Variants in UBE4A observed in about 807,000 individuals in gnomAD.
UBE4A encodes the protein ubiquitination factor E4A, also known as ubiquitin conjugation factor E4 A.
Under a neutral mutation model 117.9 loss-of-function variants are expected in UBE4A, and 48 were observed. The ratio of observed to expected loss-of-function variants is 0.41; its 90% confidence interval spans 0.32 to 0.52. The LOEUF (loss-of-function observed/expected upper bound fraction) is 0.52, where lower values mean the gene tolerates loss of function less well. Among genes scored for constraint, UBE4A ranks in the 20% least tolerant of loss-of-function variants. The pLI is 0.33. For synonymous variants in UBE4A, 407 were observed against 450.0 expected (o/e 0.90, Z 1.21); for missense variants, 1,067 against 1,296.3 (o/e 0.82, Z 2.72).
intron 9 of UBE4A, 61 bp from the exon 10 acceptor site, chr11:118,376,513 G>C: frequency 1.9e-6 from 3 of 1,591,274 alleles, no homozygotes; most frequent in Non-Finnish European, 2.6e-6. Context: ...AATTGAATGA[G>C]TGTAAGAGGA....
Position 118,396,475 on chromosome 11 carries a change from G to T in UBE4A, c.*35G>T. 1 of 1,594,324 alleles carries T rather than the reference G, an allele frequency of 6.3e-7. No individual in the cohort carries two copies. The highest frequency in any genetic ancestry group is 1.1e-5 in the South Asian group (1 of 88,340). On this transcript the variant is annotated 3_prime_UTR_variant, in exon 20 of 20. Transcript: ENST00000252108. ...ACTAACCAAACCAAAACCAACCCCA[G>T]AGTGCAGATAAACAATTGTTTGTGG... is the stretch of plus-strand genomic sequence containing the variant.
intron 11 of UBE4A, among the ~76,000 whole-genome samples, chr11:118,381,161 T>C (rs1426052279): frequency 6.6e-6 from 1 of 152,234 alleles, no homozygotes; most frequent in African/African-American, 2.4e-5. Flanking sequence ...TACTGGTGTG[T>C]TAACATTTTG....
chr11:118,369,551 T>C lies in UBE4A; in HGVS notation c.408+16T>C, dbSNP rs374795769. 5.0e-6 allele frequency: 8 copies of C among 1,600,482 alleles called. No individual in the cohort carries two copies. The African/African-American group carries it at 9.4e-5, about 19-fold the overall frequency. The stretch of plus-strand genomic sequence containing the variant: ...TGTTGAGCAGGTAATATTCTTACGT[T>C]CCTAATGTGTGCCCTTAGCAAAAAT... On this transcript the variant is annotated intron_variant, in intron 4 of 19. Transcript: ENST00000252108.
chr11:118,390,167 C>G (rs1171945394), intron 17 of UBE4A, among the ~76,000 whole-genome samples: 1 of 151,640 alleles, frequency 6.6e-6, no homozygotes, highest in Non-Finnish European at 1.5e-5. Flanking sequence ...CTGGGCAACA[C>G]AGCAGGACTC....
Position 118,396,484 on chromosome 11 carries a change from TA to T in UBE4A, c.*47del. 1 of 1,576,886 alleles carries T rather than the reference TA, an allele frequency of 6.3e-7. No homozygotes were observed. Among genetic ancestry groups the T allele is most frequent in the Non-Finnish European group, 8.6e-7 (1 of 1,165,146 alleles). Reference sequence around the variant, plus strand: ...ACCAAAACCAACCCCAGAGTGCAGATAAACAATTGTTTGTGGTTTCTCTCTT... The same window carrying T: ...ACCAAAACCAACCCCAGAGTGCAGATAACAATTGTTTGTGGTTTCTCTCTT... On this transcript the variant is annotated 3_prime_UTR_variant, in exon 20 of 20. Transcript: ENST00000252108.
At chr11:118,390,051 TTAA>T in intron 17 of UBE4A, 146 bp downstream of exon 17, 2 of 980,972 alleles carry the variant, frequency 2.0e-6, no homozygotes, top group South Asian at 4.4e-5. Context: ...TTCTGTAGTT[TTAA>T]ATAAGGAGAT....
intron 2 of UBE4A, among the ~76,000 whole-genome samples, chr11:118,367,691 G>T (rs144934936): frequency 6.6e-6 from 1 of 151,726 alleles, no homozygotes; most frequent in African/African-American, 2.4e-5. Context: ...GTAGGGATGG[G>T]GTTTCACCAT....
chr11:118,369,585 C>A lies in UBE4A; in HGVS notation c.408+50C>A, dbSNP rs778797265. The A allele has an allele frequency of 4.5e-6, 6 of 1,340,252 alleles. No individual in the cohort carries two copies. The South Asian group carries it at 4.8e-5, about 11-fold the overall frequency. The allele number at this position is 1,340,252 out of a possible 1,614,324, so 83.0% of individuals were successfully genotyped here. ...GTGCCCTTAGCAAAAATTAGCTATGCGGCTGAATTCTGCTCACTGTTCTCC... is the reference window on the plus strand; with the variant it reads ...GTGCCCTTAGCAAAAATTAGCTATGAGGCTGAATTCTGCTCACTGTTCTCC... On this transcript the variant is annotated intron_variant, in intron 4 of 19. Coordinates refer to ENST00000252108, the MANE Select transcript of UBE4A (RefSeq NM_001204077.2).
chr11:118,372,485 CT>C (rs1948617340), intron 5 of UBE4A, 21 bp from the exon 6 acceptor site: 1 of 1,595,236 alleles, frequency 6.3e-7, no homozygotes, highest in African/African-American at 1.4e-5. Flanking sequence ...ACTATTCCCT[CT>C]TTTCTTCATG....
intron 19 of UBE4A, among the ~76,000 whole-genome samples, chr11:118,393,997 G>A (rs1308453506): frequency 6.6e-6 from 1 of 152,140 alleles, no homozygotes; most frequent in Non-Finnish European, 1.5e-5. Context: ...ACTTTCCCCA[G>A]CCTGCCTATT....
At position 118,366,061 on chromosome 11, in the gene UBE4A, TAA is replaced by T. The variant is rs5795123; in HGVS notation, c.121+873_121+874del. On this transcript the variant is annotated intron_variant, in intron 2 of 19. Transcript: ENST00000252108. ...GCATTTTCCCTTTATTTTGTTTATT[TAA>T]AAAAAAAAAAAACACTCAGGTGCAT... 4.3e-3 allele frequency among the ~76,000 whole-genome samples: 611 copies of T among 143,418 alleles called. 33 individuals carry two copies. In the East Asian group the frequency reaches 0.11, roughly 26 times the overall value. 94.1% of individuals were successfully genotyped at this position (143,418 alleles called of 152,430 possible). A position where few individuals can be genotyped will look rare whatever the true frequency, so the allele number is the denominator to read the frequency against.
At chr11:118,378,691 A>G (rs1241626754) in intron 10 of UBE4A, 1 of 152,270 alleles carries the variant, frequency 6.6e-6, no homozygotes, top group Non-Finnish European at 1.5e-5. Context: ...TAAATAAGAC[A>G]GTAGATAAAA....
rs562951015 is a variant in UBE4A, at chr11:118,381,484, T to C, written c.1970T>C (p.Val657Ala). The C allele has an allele frequency of 1.9e-6, 3 of 1,614,168 alleles. No homozygotes were observed. Among genetic ancestry groups the C allele is most frequent in the Admixed American group, 3.3e-5 (2 of 60,028 alleles). ...LETSADSLEH[V>A]LHFITIFTGS... ...ACATCAGCAGATTCCCTGGAGCATG[T>C]CCTTCACTTTATCACCATTTTCACT... Residue 657 changes from valine (V) to alanine (A), a missense_variant, in exon 12 of 20, where the codon GTC (valine) becomes GCC (alanine). Transcript: ENST00000252108.
chr11:118,363,921 A>G (rs566456360), intron 1 of UBE4A, among the ~76,000 whole-genome samples: 92 of 152,152 alleles, frequency 6.0e-4, no homozygotes, highest in African/African-American at 2.2e-3. Flanking sequence ...CCTGGCCCAC[A>G]TTAGCTTTTG....
intron 19 of UBE4A, among the ~76,000 whole-genome samples, chr11:118,395,288 C>T (rs1948859707): frequency 1.3e-5 from 2 of 150,984 alleles, no homozygotes; most frequent in African/African-American, 4.9e-5. Flanking sequence ...AAGATCACGC[C>T]ACTGCAACTC....
intron 2 of UBE4A, 137 bp from the exon 3 acceptor site, chr11:118,368,494 A>G: frequency 1.0e-6 from 1 of 998,312 alleles, no homozygotes; most frequent in East Asian, 2.4e-5. Flanking sequence ...CCCTGACTTG[A>G]GATGTTCACT....
rs1403533035 is a variant in UBE4A at position 118,397,839 on chromosome 11, G to A, written c.*1399G>A. On this transcript the variant is annotated 3_prime_UTR_variant, in exon 20 of 20. Transcript: ENST00000252108. ...CAAGTTGCTATAAGCAGTCCTTGATGGGTTTTTGATTGCATCAGCTGGAAA... is the reference window on the plus strand; with the variant it reads ...CAAGTTGCTATAAGCAGTCCTTGATAGGTTTTTGATTGCATCAGCTGGAAA... 1 of 152,142 alleles carries A rather than the reference G, an allele frequency of 6.6e-6. No homozygotes were observed. The highest frequency in any genetic ancestry group is 1.9e-4 in the East Asian group (1 of 5,196). 9.4% of individuals were successfully genotyped at this position (152,142 alleles called of 1,614,324 possible). A position where few individuals can be genotyped will look rare whatever the true frequency, so the allele number is the denominator to read the frequency against.
intron 13 of UBE4A, 109 bp from the exon 14 acceptor site, chr11:118,384,526 T>C: frequency 1.0e-6 from 1 of 995,862 alleles, no homozygotes; most frequent in Non-Finnish European, 1.5e-6. Flanking sequence ...GTTAGTAGCC[T>C]TAACACACTC....
At chr11:118,371,304 C>A (rs548532098) in intron 4 of UBE4A, among the ~76,000 whole-genome samples, 2 of 152,220 alleles carry the variant, frequency 1.3e-5, no homozygotes, top group East Asian at 3.9e-4. Context: ...ATACTAGACA[C>A]TTGAGGCTTG....
Sources: allele counts gnomAD v4.1 joint callset (sites outside exome capture counted in the v4.1 genomes callset), GRCh38; gene constraint gnomAD v4.1.1; transcripts MANE v1.5; gene names NCBI Gene and HGNC (gene_info 2026-07-23, HGNC 2026-07-21).